Variants in EDA observed in about 807,000 individuals in gnomAD.
EDA encodes the protein ectodysplasin-A.
In EDA, 2 loss-of-function variants were observed where a neutral mutation model predicts 23.6. The observed-to-expected ratio is 0.08, with a 90% confidence interval of 0.03 to 0.27. The LOEUF (loss-of-function observed/expected upper bound fraction) is 0.27. EDA is among the 10% of genes least tolerant of loss of function. The pLI is 1.00. For missense variants in EDA, 229 were observed against 324.2 expected (o/e 0.71, Z 2.26); for synonymous variants, 131 against 132.0 (o/e 0.99, Z 0.05).
intron 1 of EDA, among the ~76,000 whole-genome samples, chrX:69,816,075 G>A (rs892828991): frequency 9.0e-6 from 1 of 111,345 alleles, no homozygotes; most frequent in African/African-American, 3.3e-5. Flanking sequence ...CTGGGGTCTG[G>A]AATGGACCCC....
chrX:69,679,952 G>A (rs1262168573), intron 1 of EDA, among the ~76,000 whole-genome samples: 245 of 105,910 alleles, frequency 2.3e-3, no homozygotes, highest in African/African-American at 7.6e-3. Context: ...TCTCTTGTGG[G>A]CATTTAGTGC....
At chrX:70,013,103 GC>G (rs1249674546) in intron 2 of EDA, among the ~76,000 whole-genome samples, 1 of 112,386 alleles carries the variant, frequency 8.9e-6, no homozygotes, top group Non-Finnish European at 1.9e-5. Flanking sequence ...CTCCACCTGG[GC>G]CCCCAGCACA....
At chrX:69,953,952 T>C (rs1369900019) in intron 1 of EDA, among the ~76,000 whole-genome samples, 1 of 111,966 alleles carries the variant, frequency 8.9e-6, no homozygotes, top group Non-Finnish European at 1.9e-5. Context: ...TTGATTTGTC[T>C]TGAGTTTGGT....
At position 69,819,879 on chromosome X, in the gene EDA, T is replaced by A. The variant is rs1196286667; in HGVS notation, c.397-137148T>A. ...TCTTAACAGAATTAGAAAAAACTTT[T>A]AAAAAATTCATGTGGAAGCAAAAAA... On this transcript the variant is annotated intron_variant, in intron 1 of 7. Transcript: ENST00000374552. Among the ~76,000 whole-genome samples the A allele has an allele frequency of 1.8e-4, 16 of 87,267 alleles. No homozygotes were observed. The Admixed American group carries it at 1.9e-3, about 10-fold the overall frequency. 75.8% of individuals were successfully genotyped at this position (87,267 alleles called of 115,157 possible). A position where few individuals can be genotyped will look rare whatever the true frequency, so the allele number is the denominator to read the frequency against.
At position 69,775,579 on chromosome X, in the gene EDA, C is replaced by T. The variant is rs1018828672; in HGVS notation, c.396+158875C>T. Among the ~76,000 whole-genome samples the T allele has an allele frequency of 2.7e-5, 3 of 111,636 alleles. No individual in the cohort carries two copies. In the East Asian group the frequency reaches 8.4e-4, roughly 31 times the overall value. Reference sequence around the variant, plus strand: ...TTAAGCTTATACAGTGACTCCAGAACACATCACATTGTAAGTTATTTGTAC... The same window carrying T: ...TTAAGCTTATACAGTGACTCCAGAATACATCACATTGTAAGTTATTTGTAC... On this transcript the variant is annotated intron_variant, in intron 1 of 7. Coordinates refer to ENST00000374552, the MANE Select transcript of EDA (RefSeq NM_001399.5).
chrX:69,982,406 C>A lies in EDA; in HGVS notation c.502+25274C>A, dbSNP rs756304459. ...CATAGAAAGAGAACTTGGACCATAC[C>A]AAGAGTGATTGGTTTAACACTCCAC... On this transcript the variant is annotated intron_variant, in intron 2 of 7. Coordinates refer to ENST00000374552, the MANE Select transcript of EDA (RefSeq NM_001399.5). 5.4e-5 allele frequency among the ~76,000 whole-genome samples: 6 copies of A among 111,056 alleles called. No individual in the cohort carries two copies. The East Asian group carries it at 1.4e-3, about 26-fold the overall frequency.
chrX:69,742,289 T>C (rs903574918), intron 1 of EDA, among the ~76,000 whole-genome samples: 2 of 111,121 alleles, frequency 1.8e-5, no homozygotes, highest in African/African-American at 3.3e-5. Context: ...CATCCTACCC[T>C]ACCCCGTGTG....
intron 1 of EDA, among the ~76,000 whole-genome samples, chrX:69,873,602 G>C (rs1320584165): frequency 8.9e-6 from 1 of 112,041 alleles, no homozygotes; most frequent in East Asian, 2.8e-4. Flanking sequence ...ATCATTCAAG[G>C]CTACTATGAA....
intron 1 of EDA, among the ~76,000 whole-genome samples, chrX:69,746,476 T>C (rs1332991312): frequency 9.0e-6 from 1 of 111,531 alleles, no homozygotes; most frequent in Non-Finnish European, 1.9e-5. Flanking sequence ...TATGATTTTA[T>C]TGAGGGCATA....
intron 1 of EDA, among the ~76,000 whole-genome samples, chrX:69,759,801 T>G (rs1009964317): frequency 5.5e-5 from 6 of 109,891 alleles, no homozygotes; most frequent in African/African-American, 2.0e-4. Context: ...GCTGTTCTTT[T>G]GGGACTGGGG....
intron 1 of EDA, among the ~76,000 whole-genome samples, chrX:69,952,799 G>C (rs904381305): frequency 7.2e-5 from 8 of 111,620 alleles, no homozygotes; most frequent in African/African-American, 2.6e-4. Flanking sequence ...CCTTAGAACA[G>C]TTAATACAAG....
At chrX:69,840,054 G>A (rs2016863118) in intron 1 of EDA, among the ~76,000 whole-genome samples, 1 of 111,621 alleles carries the variant, frequency 9.0e-6, no homozygotes, top group Admixed American at 9.5e-5. Context: ...GATAAGGTTT[G>A]CCTGCCTCTA....
chrX:69,644,423 A>G (rs1932880302), intron 1 of EDA, among the ~76,000 whole-genome samples: 1 of 111,105 alleles, frequency 9.0e-6, no homozygotes. Flanking sequence ...TTGTTGGTGT[A>G]TAGCAATGCT....
rs145111054 is a variant in EDA at position 69,773,609 on chromosome X, A to G, written c.396+156905A>G. ...TTTTTGTTGTTGTTTTTTTTTAATA[A>G]TAACTATCCTAATGGGTATGAAGTG... On this transcript the variant is annotated intron_variant, in intron 1 of 7. Transcript: ENST00000374552. Among the ~76,000 whole-genome samples the G allele has an allele frequency of 4.2e-3, 468 of 111,503 alleles. 2 individuals are homozygous for G. Among genetic ancestry groups the G allele is most frequent in the African/African-American group, 0.015 (448 of 30,690 alleles).
intron 1 of EDA, among the ~76,000 whole-genome samples, chrX:69,710,585 A>G (rs185594909): frequency 8.9e-6 from 1 of 111,900 alleles, no homozygotes; most frequent in Non-Finnish European, 1.9e-5. Flanking sequence ...CTTAGGCAGT[A>G]TAGCCATTTT....
intron 1 of EDA, among the ~76,000 whole-genome samples, chrX:69,933,981 T>G (rs942803294): frequency 4.4e-5 from 5 of 112,708 alleles, no homozygotes; most frequent in African/African-American, 1.6e-4. Context: ...GCCATTCCAA[T>G]TCTTGTTCCC....
intron 1 of EDA, among the ~76,000 whole-genome samples, chrX:69,649,156 C>T (rs189159911): frequency 3.1e-4 from 35 of 112,415 alleles, no homozygotes; most frequent in African/African-American, 9.0e-4. Context: ...CCTTTCATTC[C>T]TCTCCATTAG....
At position 69,782,331 on chromosome X, in the gene EDA, C is replaced by G. The variant is rs188222102; in HGVS notation, c.396+165627C>G. 5.6e-3 allele frequency among the ~76,000 whole-genome samples: 536 copies of G among 96,072 alleles called. 3 individuals are homozygous for G. The highest frequency in any genetic ancestry group is 7.9e-3 in the Non-Finnish European group (392 of 49,618). 83.4% of individuals were successfully genotyped at this position (96,072 alleles called of 115,157 possible). ...GGCTCCTCAGCAGTTTTGTTTGTCACCAAGTGTGTGTAGACAAATAACATT... is the reference window on the plus strand; with the variant it reads ...GGCTCCTCAGCAGTTTTGTTTGTCAGCAAGTGTGTGTAGACAAATAACATT... On this transcript the variant is annotated intron_variant, in intron 1 of 7. Coordinates refer to ENST00000374552, the MANE Select transcript of EDA (RefSeq NM_001399.5).
At chrX:69,742,658 C>T (rs146931261) in intron 1 of EDA, among the ~76,000 whole-genome samples, 1,737 of 111,354 alleles carry the variant, frequency 0.016, 31 homozygotes, top group African/African-American at 0.055. Context: ...GTTTTTCTGA[C>T]GGTTCTTTTC....
Sources: allele counts gnomAD v4.1 joint callset (sites outside exome capture counted in the v4.1 genomes callset), GRCh38; gene constraint gnomAD v4.1.1; transcripts MANE v1.5; gene names NCBI Gene and HGNC (gene_info 2026-07-23, HGNC 2026-07-21).